ROBO2: variants seen among roughly 807,000 people sequenced by gnomAD.
ROBO2 encodes roundabout homolog 2.
A neutral mutation model predicts 160.8 loss-of-function variants in ROBO2; 53 were observed. The observed-to-expected ratio is 0.33, with a 90% CI of 0.26 to 0.41. The LOEUF is 0.41. Among genes scored for constraint, ROBO2 ranks in the 10% least tolerant of loss-of-function variants. The pLI is 1.00. For missense variants in ROBO2, 1,577 were observed against 1,722.4 expected (o/e 0.92, Z 1.49); for synonymous variants, 664 against 611.7 (o/e 1.09, Z -1.26).
intron 23 of ROBO2, among the ~76,000 whole-genome samples, chr3:77,628,450 G>T (rs995127611): frequency 1.2e-4 from 18 of 147,058 alleles, no homozygotes; most frequent in South Asian, 2.3e-4. Context: ...CTTTTTGTGG[G>T]GGGGGGGTAA....
chr3:76,294,008 C>T (rs901807685), intron 2 of ROBO2, among the ~76,000 whole-genome samples: 7 of 152,168 alleles, frequency 4.6e-5, no homozygotes, highest in Admixed American at 3.3e-4. Flanking sequence ...CGATGTTCAT[C>T]GGCACCCAAA....
chr3:76,255,714 A>G (rs1424576709), intron 2 of ROBO2, among the ~76,000 whole-genome samples: 1 of 152,132 alleles, frequency 6.6e-6, no homozygotes, highest in Non-Finnish European at 1.5e-5. Context: ...CACAGAGAAT[A>G]CTATTTTACT....
intron 2 of ROBO2, among the ~76,000 whole-genome samples, chr3:76,507,095 G>A (rs1014958550): frequency 7.2e-5 from 11 of 151,898 alleles, no homozygotes; most frequent in Non-Finnish European, 1.3e-4. Flanking sequence ...ATGTTTACAT[G>A]GCTTTTACTG....
At chr3:76,028,343 C>A (rs765239026) in intron 2 of ROBO2, among the ~76,000 whole-genome samples, 28 of 151,812 alleles carry the variant, frequency 1.8e-4, no homozygotes, top group Non-Finnish European at 3.7e-4. Flanking sequence ...TTAGGCCACT[C>A]ATAATGACAA....
At chr3:76,458,187 T>C (rs992738333) in intron 2 of ROBO2, among the ~76,000 whole-genome samples, 4 of 152,178 alleles carry the variant, frequency 2.6e-5, no homozygotes, top group Non-Finnish European at 5.9e-5. Flanking sequence ...ATGCTTACTT[T>C]CCTTATAAAA....
intron 2 of ROBO2, among the ~76,000 whole-genome samples, chr3:76,130,407 A>G (rs1191792639): frequency 6.6e-6 from 1 of 152,202 alleles, no homozygotes; most frequent in South Asian, 2.1e-4. Context: ...CATAAAAAAC[A>G]CTGAGAAATT....
At chr3:76,995,013 A>G (rs944186839) in intron 2 of ROBO2, among the ~76,000 whole-genome samples, 17 of 151,878 alleles carry the variant, frequency 1.1e-4, no homozygotes, top group African/African-American at 4.1e-4. Context: ...GGTTTGTTAC[A>G]TAGGTATACA....
At chr3:76,940,142 C>T (rs1349380038) in intron 2 of ROBO2, among the ~76,000 whole-genome samples, 3 of 151,900 alleles carry the variant, frequency 2.0e-5, no homozygotes, top group Admixed American at 6.6e-5. Flanking sequence ...CCACCACGCC[C>T]GGGTAATTTT....
At chr3:77,083,933 G>A (rs954262228) in intron 1 of ROBO2, among the ~76,000 whole-genome samples, 1 of 152,048 alleles carries the variant, frequency 6.6e-6, no homozygotes, top group Admixed American at 6.6e-5. Flanking sequence ...ACATTTGGCT[G>A]TTGTTGTCAT....
intron 16 of ROBO2, among the ~76,000 whole-genome samples, chr3:77,583,427 C>T (rs1428407803): frequency 6.6e-6 from 1 of 151,902 alleles, no homozygotes; most frequent in African/African-American, 2.4e-5. Context: ...TATCCCAATA[C>T]CTGTTATTTC....
At chr3:76,328,264 A>G (rs1351560803) in intron 2 of ROBO2, among the ~76,000 whole-genome samples, 1 of 152,212 alleles carries the variant, frequency 6.6e-6, no homozygotes, top group African/African-American at 2.4e-5. Context: ...TTATATACAT[A>G]TTTAAAATGA....
intron 2 of ROBO2, among the ~76,000 whole-genome samples, chr3:76,864,913 G>GT (rs1419583045): frequency 6.6e-6 from 1 of 152,030 alleles, no homozygotes; most frequent in Admixed American, 6.6e-5. Flanking sequence ...AGTCATTGCA[G>GT]TTTTTTGAAG....
intron 2 of ROBO2, among the ~76,000 whole-genome samples, chr3:77,279,433 G>T (rs773280548): frequency 9.2e-5 from 14 of 152,210 alleles, no homozygotes; most frequent in African/African-American, 1.7e-4. Flanking sequence ...ATTTGAAAAA[G>T]ACATTTGAAT....
At chr3:77,347,921 A>G (rs1423980863) in intron 2 of ROBO2, among the ~76,000 whole-genome samples, 1 of 152,082 alleles carries the variant, frequency 6.6e-6, no homozygotes, top group Non-Finnish European at 1.5e-5. Flanking sequence ...AGGTGATCTC[A>G]TCATTTCTCA....
At chr3:77,410,555 TTCCTCCTCTTC>T (rs2076640976) in intron 2 of ROBO2, among the ~76,000 whole-genome samples, 1 of 42,224 alleles carries the variant, frequency 2.4e-5, no homozygotes, top group African/African-American at 7.6e-5. Context: ...CCTCCTCTTC[TTCCTCCTCTTC>T]TTCCTCCTCC....
chr3:76,266,391 C>G (rs1025659979), intron 2 of ROBO2, among the ~76,000 whole-genome samples: 9 of 152,124 alleles, frequency 5.9e-5, no homozygotes, highest in Admixed American at 5.9e-4. Flanking sequence ...GCCACTTCCA[C>G]TAATTTACAT....
chr3:77,116,853 G>A (rs531786031), intron 2 of ROBO2, among the ~76,000 whole-genome samples: 2 of 152,216 alleles, frequency 1.3e-5, no homozygotes, highest in South Asian at 2.1e-4. Context: ...GAGCTATTGC[G>A]ACAGATAGAA....
At chr3:76,444,172 G>T (rs1348219703) in intron 2 of ROBO2, among the ~76,000 whole-genome samples, 1 of 151,990 alleles carries the variant, frequency 6.6e-6, no homozygotes, top group Non-Finnish European at 1.5e-5. Flanking sequence ...TAGAGACGGG[G>T]TCTCATCATG....
At chr3:77,006,875 T>G (rs2061607875) in intron 2 of ROBO2, among the ~76,000 whole-genome samples, 4 of 152,220 alleles carry the variant, frequency 2.6e-5, no homozygotes, top group African/African-American at 7.2e-5. Context: ...TATAAGGTAT[T>G]TATTACTTTA....
Sources: allele counts gnomAD v4.1 joint callset (sites outside exome capture counted in the v4.1 genomes callset), GRCh38; gene constraint gnomAD v4.1.1; transcripts MANE v1.5; gene names NCBI Gene and HGNC (gene_info 2026-07-23, HGNC 2026-07-21).